KDM1A: variants seen among roughly 807,000 people sequenced by gnomAD.
KDM1A encodes lysine demethylase 1A, also known as lysine-specific histone demethylase 1A.
A neutral mutation model predicts 109.4 loss-of-function variants in KDM1A; 49 were observed. That is an observed-to-expected ratio of 0.45 (90% CI 0.36 to 0.57). KDM1A has a LOEUF of 0.57. Among genes scored for constraint, KDM1A ranks in the 20% least tolerant of loss-of-function variants. KDM1A has a pLI of 0.00. For synonymous variants in KDM1A, 380 were observed against 415.4 expected (o/e 0.91, Z 1.04); for missense variants, 668 against 1,116.6 (o/e 0.60, Z 5.73).
intron 10 of KDM1A, among the ~76,000 whole-genome samples, chr1:23,067,173 A>G (rs1488555602): frequency 6.6e-6 from 1 of 152,234 alleles, no homozygotes; most frequent in Non-Finnish European, 1.5e-5. Flanking sequence ...TCTTTAGGCT[A>G]AGGGTAATTC....
Position 23,036,608 on chromosome 1 carries a change from G to A in KDM1A, c.517+5974G>A, listed in dbSNP as rs186816539. ...AATTCTTATGTTCTTATATTTTGAG[G>A]CATTATGAATGGATCAAGATAAATA... is the stretch of plus-strand genomic sequence containing the variant. On this transcript the variant is annotated intron_variant, in intron 2 of 20. Transcript: ENST00000400181. Among the ~76,000 whole-genome samples, 144 of 152,040 alleles carry A rather than the reference G, an allele frequency of 9.5e-4. 1 individual carries two copies. Among genetic ancestry groups the A allele is most frequent in the African/African-American group, 3.4e-3 (140 of 41,502 alleles).
At chr1:23,073,746 C>A (rs190342486) in intron 15 of KDM1A, among the ~76,000 whole-genome samples, 1 of 152,208 alleles carries the variant, frequency 6.6e-6, no homozygotes, top group South Asian at 2.1e-4. Flanking sequence ...GTGAATCATA[C>A]AGTACATAGC....
At chr1:23,034,952 T>C (rs1199130917) in intron 2 of KDM1A, among the ~76,000 whole-genome samples, 1 of 152,186 alleles carries the variant, frequency 6.6e-6, no homozygotes, top group African/African-American at 2.4e-5. Context: ...CTCCTTGATG[T>C]CCTAGTCCTT....
rs1347085826 is a variant in KDM1A at position 23,019,522 on chromosome 1, G to GAGGCA, written c.-70_-66dup. Reference sequence around the variant, plus strand: ...GCGCGCGGGCAGCGTGAAGCGAGGCGAGGCAAGGCTTTTCGGACCCACGGA... The same window carrying GAGGCA: ...GCGCGCGGGCAGCGTGAAGCGAGGCGAGGCAAGGCAAGGCTTTTCGGACCCACGGA... On this transcript the variant is annotated 5_prime_UTR_variant, in exon 1 of 21. Coordinates refer to ENST00000400181, the MANE Select transcript of KDM1A (RefSeq NM_001009999.3). 4.6e-6 allele frequency: 6 copies of GAGGCA among 1,314,940 alleles called. No homozygotes were observed. Among genetic ancestry groups the GAGGCA allele is most frequent in the Middle Eastern group, 3.0e-4 (1 of 3,318 alleles). 81.5% of individuals were successfully genotyped at this position (1,314,940 alleles called of 1,614,324 possible).
At chr1:23,057,608 A>G in intron 8 of KDM1A, 43 bp downstream of exon 8, 1 of 1,428,578 alleles carries the variant, frequency 7.0e-7, no homozygotes, top group Non-Finnish European at 9.8e-7. Context: ...ATGGTCTAAG[A>G]CTCATAAAAG....
intron 15 of KDM1A, 67 bp downstream of exon 15, chr1:23,073,470 A>G (rs1557589032): frequency 1.2e-6 from 1 of 867,942 alleles, no homozygotes. Context: ...GAAATAGTTA[A>G]TTTTGTATGT....
intron 2 of KDM1A, among the ~76,000 whole-genome samples, chr1:23,036,444 G>GCCCCCCCCCCCCCCCCCCCC (rs5773033): frequency 8.2e-6 from 1 of 121,592 alleles, no homozygotes; most frequent in Non-Finnish European, 1.7e-5. Context: ...TTCTTGCCAC[G>GCCCCCCCCCCCCCCCCCCCC]CCCCCCCCCT....
intron 15 of KDM1A, among the ~76,000 whole-genome samples, chr1:23,076,457 T>A (rs1413210638): frequency 6.6e-6 from 1 of 152,138 alleles, no homozygotes; most frequent in Non-Finnish European, 1.5e-5. Context: ...CCTGTAAATT[T>A]AAAGAATAAA....
chr1:23,053,115 C>G (rs1045581124), intron 4 of KDM1A, among the ~76,000 whole-genome samples: 1 of 152,160 alleles, frequency 6.6e-6, no homozygotes, highest in African/African-American at 2.4e-5. Context: ...TCTAGTTGAT[C>G]ATTAGATTTT....
chr1:23,031,089 G>A (rs544488754), intron 2 of KDM1A, among the ~76,000 whole-genome samples: 2 of 150,430 alleles, frequency 1.3e-5, no homozygotes, highest in African/African-American at 2.4e-5. Flanking sequence ...GGTGTGGATC[G>A]GTTTTGAGAA....
Position 23,077,348 on chromosome 1 carries a change from T to C in KDM1A, c.1855T>C (p.Tyr619His), listed in dbSNP as rs1643496341. 1 of 1,612,684 alleles carries C rather than the reference T, an allele frequency of 6.2e-7. No homozygotes were observed. ...KLNTAVRQVR[Y>H]TASGCEVIAV... ...GAATACAGCAGTGCGACAGGTTCGC[T>C]ACACGGCTTCAGGTATGTCACTGCT... Residue 619 changes from tyrosine (Y) to histidine (H), a missense_variant, in exon 16 of 21, where the codon TAC becomes CAC. Physicochemically the swap from Tyr to His is moderately conservative, Grantham distance 83 (BLOSUM62 2). Around this residue, in one of 8 missense-constraint regions of KDM1A, gnomAD observed 162 missense variants for 376.4 expected, o/e 0.43. Transcript: ENST00000400181.
At chr1:23,065,700 GTTT>G (rs1182598640) in intron 9 of KDM1A, among the ~76,000 whole-genome samples, 1 of 152,078 alleles carries the variant, frequency 6.6e-6, no homozygotes, top group East Asian at 1.9e-4. Flanking sequence ...TTTTGGTTTG[GTTT>G]TTGTTTGTTT....
chr1:23,025,649 G>A (rs539333405), intron 1 of KDM1A, among the ~76,000 whole-genome samples: 68 of 151,752 alleles, frequency 4.5e-4, no homozygotes, highest in African/African-American at 1.6e-3. Context: ...TTTAAATTTA[G>A]AATAATTAAG....
rs1643555035 is a variant in KDM1A, at chr1:23,079,353, T to TGCCTAA, written c.2055+177_2055+178insCCTAAG. On this transcript the variant is annotated intron_variant, in intron 17 of 20. Transcript: ENST00000400181. The surrounding 1 kb of genome is among the most constrained non-coding windows in gnomAD (Gnocchi z 5.6). Reference sequence around the variant, plus strand: ...TTCAGTGCCTAAGTCTATCATCAAGTGTCTGTTCATATGGACTTAGTCTTA... The same window carrying TGCCTAA: ...TTCAGTGCCTAAGTCTATCATCAAGTGCCTAAGTCTGTTCATATGGACTTAGTCTTA... 6.6e-6 allele frequency among the ~76,000 whole-genome samples: 1 copy of TGCCTAA among 152,266 alleles called. No individual in the cohort carries two copies. The highest frequency in any genetic ancestry group is 1.5e-5 in the Non-Finnish European group (1 of 68,048).
Position 23,019,799 on chromosome 1 carries a change from C to A in KDM1A, c.203C>A (p.Ala68Asp). The stretch of plus-strand genomic sequence containing the variant: ...CCCCGCAAGAAAGAGCCTCCGCGGG[C>A]CTCGCCCCCCGGGGGCCTGGCGGAA... ...RTPRKKEPPR[A>D]SPPGGLAEPP... The change falls in exon 1 of 21, where the codon GCC becomes GAC. Residue 68 changes from alanine to aspartate, a missense_variant. Physicochemically the swap from Ala to Asp is moderately radical, Grantham distance 126. Coordinates refer to ENST00000400181, the MANE Select transcript of KDM1A (RefSeq NM_001009999.3). 7.2e-7 allele frequency: 1 copy of A among 1,389,610 alleles called. No individual in the cohort carries two copies. The allele number at this position is 1,389,610 out of a possible 1,614,324, so 86.1% of individuals were successfully genotyped here.
intron 19 of KDM1A, 140 bp from the exon 20 acceptor site, chr1:23,082,080 C>T: frequency 1.2e-6 from 1 of 811,722 alleles, no homozygotes; most frequent in Non-Finnish European, 1.9e-6. Flanking sequence ...AGCAGGCATT[C>T]ATCACTTGAT....
intron 1 of KDM1A, among the ~76,000 whole-genome samples, chr1:23,021,977 C>T (rs1437838637): frequency 6.6e-6 from 1 of 152,142 alleles, no homozygotes; most frequent in Non-Finnish European, 1.5e-5. Flanking sequence ...GGTTCATTCA[C>T]GTTGTAGTGC....
At chr1:23,020,752 G>GTA (rs1641600610) in intron 1 of KDM1A, among the ~76,000 whole-genome samples, 1 of 152,112 alleles carries the variant, frequency 6.6e-6, no homozygotes, top group Non-Finnish European at 1.5e-5. Flanking sequence ...TTAGGAATGA[G>GTA]TAAACTGAGG....
At chr1:23,039,144 G>A (rs1569674884) in intron 2 of KDM1A, among the ~76,000 whole-genome samples, 1 of 152,210 alleles carries the variant, frequency 6.6e-6, no homozygotes, top group East Asian at 1.9e-4. Context: ...GAGTTCTATT[G>A]TTTAATTTCC....
Sources: gnomAD v4.1 joint callset for allele counts (sites outside exome capture counted in the v4.1 genomes callset) on GRCh38, gnomAD v4.1.1 for gene constraint, gnomAD v4.1.1 regional missense constraint, Gnocchi (gnomAD v3.1) non-coding constraint, MANE v1.5 for transcripts, NCBI Gene and HGNC (gene_info 2026-07-23, HGNC 2026-07-21) for gene names.